The following BTC variants were observed in gnomAD, a reference collection of about 807,000 sequenced individuals.
BTC encodes the protein probetacellulin.
BTC carries 13 observed loss-of-function variants against 18.1 expected under a neutral mutation model. The observed-to-expected ratio is 0.72, with a 90% CI of 0.47 to 1.14. The LOEUF (loss-of-function observed/expected upper bound fraction) is 1.14, where lower values mean the gene tolerates loss of function less well. Among genes scored for constraint, BTC ranks in the 50% most tolerant of loss-of-function variants. The pLI is 0.00. For synonymous variants in BTC, 83 were observed against 79.4 expected, an observed-to-expected ratio of 1.05 and a Z score of -0.24; for missense variants, 247 against 224.2, an observed-to-expected ratio of 1.10 and a Z score of -0.65.
chr4:74,763,414 C>G (rs1206139520), intron 2 of BTC, among the ~76,000 whole-genome samples: 1 of 151,958 alleles, frequency 6.6e-6, no homozygotes, highest in African/African-American at 2.4e-5. Flanking sequence ...CCAGTTTGCC[C>G]CATGTAGAGA....
chr4:74,771,361 T>C (rs915381841), intron 1 of BTC, among the ~76,000 whole-genome samples: 4 of 152,224 alleles, frequency 2.6e-5, no homozygotes, highest in Admixed American at 2.6e-4. Flanking sequence ...TGTCCACCAG[T>C]TGTATTGAAA....
Position 74,770,064 on chromosome 4 carries a change from A to T in BTC, c.157T>A (p.Cys53Ser), listed in dbSNP as rs200290274. 35 of 1,605,758 alleles carry T rather than the reference A, an allele frequency of 2.2e-5. No homozygotes were observed. Among genetic ancestry groups the T allele is most frequent in the Non-Finnish European group, 2.5e-6 (3 of 1,177,486 alleles). The change falls in exon 2 of 6, where the codon TGT (cysteine) becomes AGT (serine). Residue 53 changes from cysteine to serine, a missense_variant. Transcript: ENST00000395743. Reference protein sequence around the residue: ...GLLCGDPEENCAATTTQSKRK... With the variant: ...GLLCGDPEENSAATTTQSKRK... The stretch of plus-strand genomic sequence containing the variant: ...AAAACTTGTTAAACTTTACCTGCAC[A>T]GTTTTCCTCAGGGTCTCCACAGAGG...
intron 3 of BTC, among the ~76,000 whole-genome samples, chr4:74,752,189 GCAAAGGAGAAAAGA>G (rs1443386813): frequency 6.6e-6 from 1 of 152,106 alleles, no homozygotes; most frequent in Non-Finnish European, 1.5e-5. Context: ...CTTAATGCAA[GCAAAGGAGAAAAGA>G]CAACTAAAGG....
At chr4:74,750,165 T>C (rs1724420466) in intron 4 of BTC, among the ~76,000 whole-genome samples, 1 of 152,156 alleles carries the variant, frequency 6.6e-6, no homozygotes, top group Admixed American at 6.5e-5. Context: ...GCAGGATGTT[T>C]CCTGATTTTC....
chr4:74,787,894 G>A (rs1007540996), intron 1 of BTC, among the ~76,000 whole-genome samples: 1 of 152,084 alleles, frequency 6.6e-6, no homozygotes, highest in East Asian at 1.9e-4. Context: ...CATGATTAGG[G>A]AACAGGGAAA....
intron 2 of BTC, among the ~76,000 whole-genome samples, chr4:74,767,545 T>A (rs915993888): frequency 1.4e-5 from 2 of 147,606 alleles, no homozygotes; most frequent in African/African-American, 5.0e-5. Context: ...TTCCAATGAC[T>A]TTTTTTTTTA....
chr4:74,762,242 G>A (rs1454708038), intron 2 of BTC, among the ~76,000 whole-genome samples: 1 of 152,140 alleles, frequency 6.6e-6, no homozygotes, highest in Non-Finnish European at 1.5e-5. Context: ...ATCTTCCCAT[G>A]TGATTCTAAG....
chr4:74,756,088 T>C, intron 2 of BTC, 112 bp from the exon 3 acceptor site: 1 of 1,017,942 alleles, frequency 9.8e-7, no homozygotes, highest in East Asian at 2.4e-5. Flanking sequence ...TTTGAATCTC[T>C]CATTTTTCTT....
chr4:74,753,240 T>A (rs1168338699), intron 3 of BTC, among the ~76,000 whole-genome samples: 1 of 152,188 alleles, frequency 6.6e-6, no homozygotes, highest in Non-Finnish European at 1.5e-5. Flanking sequence ...AAATTGGGCG[T>A]TGGGATCACT....
intron 1 of BTC, among the ~76,000 whole-genome samples, chr4:74,774,518 T>TA (rs1034266844): frequency 8.5e-5 from 13 of 152,110 alleles, no homozygotes; most frequent in African/African-American, 2.9e-4. Context: ...TCTGATTTTT[T>TA]ATCACTTTAT....
At chr4:74,760,901 A>C (rs2109889776) in intron 2 of BTC, among the ~76,000 whole-genome samples, 1 of 152,102 alleles carries the variant, frequency 6.6e-6, no homozygotes, top group South Asian at 2.1e-4. Flanking sequence ...CGCCTGGCTA[A>C]TTTTTTGTAT....
chr4:74,775,962 C>T (rs569152372), intron 1 of BTC, among the ~76,000 whole-genome samples: 48 of 152,250 alleles, frequency 3.2e-4, no homozygotes, highest in Non-Finnish European at 4.3e-4. Flanking sequence ...AAAGTGCCAT[C>T]CCACAGGGTC....
chr4:74,755,397 AC>A (rs1350758735), intron 3 of BTC, among the ~76,000 whole-genome samples: 2 of 152,234 alleles, frequency 1.3e-5, no homozygotes, highest in African/African-American at 4.8e-5. Flanking sequence ...TCCCCACTAT[AC>A]TAAACAGGCT....
In BTC at chr4:74,794,407, G is replaced by C; in HGVS notation, c.-82C>G. The C allele has an allele frequency of 7.2e-7, 1 of 1,382,488 alleles. No individual in the cohort carries two copies. The highest frequency in any genetic ancestry group is 9.5e-7 in the Non-Finnish European group (1 of 1,051,438). The allele number at this position is 1,382,488 out of a possible 1,614,324, so 85.6% of individuals were successfully genotyped here. A position where few individuals can be genotyped will look rare whatever the true frequency, so the allele number is the denominator to read the frequency against. ...CCCTTCCCGGGCCTCGGGCGCCTGA[G>C]AGGGTGCCTGGAAACTAATCCCGGA... On this transcript the variant is annotated 5_prime_UTR_variant, in exon 1 of 6. Transcript: ENST00000395743.
At chr4:74,763,677 T>C (rs947294272) in intron 2 of BTC, among the ~76,000 whole-genome samples, 47 of 152,096 alleles carry the variant, frequency 3.1e-4, no homozygotes, top group Non-Finnish European at 6.3e-4. Context: ...CAGGGATTAA[T>C]AAATTTCACT....
intron 4 of BTC, among the ~76,000 whole-genome samples, chr4:74,749,593 G>C (rs1724395418): frequency 6.6e-6 from 1 of 151,190 alleles, no homozygotes; most frequent in Non-Finnish European, 1.5e-5. Flanking sequence ...CCCTCTTTAT[G>C]TGTGGACCAC....
chr4:74,780,598 T>A (rs1429075922), intron 1 of BTC, among the ~76,000 whole-genome samples: 3 of 152,254 alleles, frequency 2.0e-5, no homozygotes, highest in Non-Finnish European at 4.4e-5. Flanking sequence ...TTTGTCAATG[T>A]CATTTACCTA....
chr4:74,777,352 A>C (rs73825045), intron 1 of BTC, among the ~76,000 whole-genome samples: 1 of 152,256 alleles, frequency 6.6e-6, no homozygotes, highest in East Asian at 1.9e-4. Flanking sequence ...CGCTCAAAAA[A>C]TAGTAGCTGT....
intron 2 of BTC, among the ~76,000 whole-genome samples, chr4:74,764,730 G>C (rs536385371): frequency 2.6e-5 from 4 of 152,264 alleles, no homozygotes; most frequent in African/African-American, 9.6e-5. Flanking sequence ...TGCAGGAATG[G>C]GAAACCAAAT....
Sources: allele counts gnomAD v4.1 joint callset (sites outside exome capture counted in the v4.1 genomes callset), GRCh38; gene constraint gnomAD v4.1.1; transcripts MANE v1.5; gene names NCBI Gene and HGNC (gene_info 2026-07-23, HGNC 2026-07-21).